Variants in TSHZ3 observed in about 807,000 individuals in gnomAD.
TSHZ3 encodes teashirt zinc finger homeobox 3, also known as teashirt homolog 3.
Under a neutral mutation model 64.5 loss-of-function variants are expected in TSHZ3, and 10 were observed. The observed-to-expected ratio is 0.16, with a 90% CI of 0.10 to 0.26. The LOEUF is 0.26. Among genes scored for constraint, TSHZ3 ranks in the 10% least tolerant of loss-of-function variants. The probability of loss-of-function intolerance (pLI) is 1.00; values close to 1 mark genes in which losing one functional copy is unlikely to be tolerated. For missense variants in TSHZ3, 1,242 were observed against 1,421.7 expected (o/e 0.87, Z 2.03); for synonymous variants, 608 against 593.1 (o/e 1.03, Z -0.36).
intron 1 of TSHZ3, among the ~76,000 whole-genome samples, chr19:31,297,195 T>G (rs543109326): frequency 2.6e-4 from 40 of 152,284 alleles, no homozygotes; most frequent in Non-Finnish European, 5.4e-4. Context: ...CCTCCTCCAC[T>G]GGGCACAGTT....
intron 1 of TSHZ3, among the ~76,000 whole-genome samples, chr19:31,334,633 G>A (rs1484378120): frequency 6.6e-6 from 1 of 152,130 alleles, no homozygotes; most frequent in Admixed American, 6.5e-5. Context: ...TGACTTCCAG[G>A]TAACCTTGTC....
rs140785779 is a variant in TSHZ3, at chr19:31,168,524, G to A, written n.810-12107C>T. The stretch of plus-strand genomic sequence containing the variant: ...AGCTAGAAATTGGAGAGAGCAAAGC[G>A]CCTGAATTCCACTTGGAAAATGGCA... On this transcript the variant is annotated intron_variant and non_coding_transcript_variant, in intron 5 of 6. Coordinates refer to the TSHZ3 transcript ENST00000651361. 2.2e-3 allele frequency among the ~76,000 whole-genome samples: 338 copies of A among 152,298 alleles called. 1 individual carries two copies. Among genetic ancestry groups the A allele is most frequent in the African/African-American group, 7.7e-3 (322 of 41,564 alleles).
chr19:31,282,615 C>T (rs967448657), intron 1 of TSHZ3, among the ~76,000 whole-genome samples: 1 of 152,190 alleles, frequency 6.6e-6, no homozygotes, highest in African/African-American at 2.4e-5. Flanking sequence ...CTCCCCAACA[C>T]ATGCACCATG....
chr19:31,174,445 C>T (rs1175742657), intron 5 of TSHZ3, among the ~76,000 whole-genome samples: 1 of 152,136 alleles, frequency 6.6e-6, no homozygotes, highest in Non-Finnish European at 1.5e-5. Flanking sequence ...CTTTGCTTAG[C>T]CTAATAATTT....
intron 5 of TSHZ3, among the ~76,000 whole-genome samples, chr19:31,197,719 T>C (rs755790686): frequency 3.4e-4 from 52 of 151,908 alleles, no homozygotes; most frequent in Admixed American, 2.7e-3. Flanking sequence ...AACCTATTAT[T>C]TGAAAGATAA....
At chr19:31,226,836 T>A (rs1056439714) in intron 4 of TSHZ3, among the ~76,000 whole-genome samples, 1 of 152,092 alleles carries the variant, frequency 6.6e-6, no homozygotes, top group Non-Finnish European at 1.5e-5. Flanking sequence ...AATTTTAAGG[T>A]CACATATATT....
chr19:31,277,383 C>A lies in TSHZ3; in HGVS notation c.2410G>T (p.Gly804Cys). The change falls in exon 2 of 2, where the codon GGT becomes TGT. Residue 804 changes from glycine (G) to cysteine (C), a missense_variant. This residue lies in a region of TSHZ3 where 550 missense variants were observed against 545.1 expected (regional missense o/e 1.01). Transcript: ENST00000240587. This position sits in a 1 kb window ranked among gnomAD's most constrained non-coding sequence, Gnocchi z 4.5. ...KGKSDKGCSLGSVLLSPTSTA... is the reference protein window; with the variant it reads ...KGKSDKGCSLCSVLLSPTSTA... ...GACGTGGGTGACAGAAGCACTGAAC[C>A]CAAGGAGCAGCCTTTGTCACTCTTC... 1 of 1,614,168 alleles carries A rather than the reference C, an allele frequency of 6.2e-7. No individual in the cohort carries two copies. Among genetic ancestry groups the A allele is most frequent in the East Asian group, 2.2e-5 (1 of 44,864 alleles).
chr19:31,340,443 C>A (rs959467858), intron 1 of TSHZ3, among the ~76,000 whole-genome samples: 1 of 148,292 alleles, frequency 6.7e-6, no homozygotes, highest in African/African-American at 2.5e-5. Flanking sequence ...AAAATAATTC[C>A]CAGCATCTGA....
Position 31,277,869 on chromosome 19 carries a change from T to C in TSHZ3, c.1924A>G (p.Thr642Ala), listed in dbSNP as rs760692825. The change falls in exon 2 of 2, where the codon ACT becomes GCT. Residue 642 changes from threonine (T) to alanine (A), a missense_variant. Physicochemically the swap from Thr to Ala is moderately conservative, Grantham distance 58. Coordinates refer to ENST00000240587, the MANE Select transcript of TSHZ3 (RefSeq NM_020856.4). This position sits in a 1 kb window ranked among gnomAD's most constrained non-coding sequence, Gnocchi z 4.5. Reference sequence around the variant, plus strand: ...ACTTCGCTGCTACATGGGGAGGGAGTGGCCCGCTTGGGCGGGGAAAGCTTC... The same window carrying C: ...ACTTCGCTGCTACATGGGGAGGGAGCGGCCCGCTTGGGCGGGGAAAGCTTC... ...DGKLSPPKRA[T>A]PSPCSSEVGE... 4 of 1,605,778 alleles carry C rather than the reference T, an allele frequency of 2.5e-6. No individual in the cohort carries two copies. The highest frequency in any genetic ancestry group is 3.4e-6 in the Non-Finnish European group (4 of 1,176,454).
At chr19:31,299,067 C>T (rs111242892) in intron 1 of TSHZ3, among the ~76,000 whole-genome samples, 40 of 152,216 alleles carry the variant, frequency 2.6e-4, no homozygotes, top group Admixed American at 3.3e-4. Context: ...TGGTAGCGGG[C>T]GCCTGTAGTC....
Position 31,279,741 on chromosome 19 carries a change from C to T in TSHZ3, c.52G>A (p.Glu18Lys), listed in dbSNP as rs772614466. The T allele has an allele frequency of 1.2e-5, 18 of 1,490,980 alleles. No individual in the cohort carries two copies. The highest frequency in any genetic ancestry group is 1.4e-5 in the South Asian group (1 of 69,674). The allele number at this position is 1,490,980 out of a possible 1,614,324, so 92.4% of individuals were successfully genotyped here. The change falls in exon 2 of 2, where the codon GAA (glutamate) becomes AAA (lysine). Residue 18 changes from glutamate to lysine, a missense_variant. Physicochemically the swap from Glu to Lys is moderately conservative, Grantham distance 56. Around this residue, in one of 4 missense-constraint regions of TSHZ3, gnomAD observed 555 missense variants for 704.0 expected, o/e 0.79. Coordinates refer to ENST00000240587, the MANE Select transcript of TSHZ3 (RefSeq NM_020856.4). The surrounding 1 kb of genome is among the most constrained non-coding windows in gnomAD (Gnocchi z 6.4). ...APRRAAAYVS[E>K]ELKAAALVDE... ...ACCAGGGCAGCAGCCTTTAACTCTTCGGAAACATAGGCTGCCATGATAACA... is the reference window on the plus strand; with the variant it reads ...ACCAGGGCAGCAGCCTTTAACTCTTTGGAAACATAGGCTGCCATGATAACA...
chr19:31,173,920 A>G (rs191321544), intron 5 of TSHZ3, among the ~76,000 whole-genome samples: 6 of 152,226 alleles, frequency 3.9e-5, no homozygotes, highest in Admixed American at 2.0e-4. Context: ...AAAGTCAAAA[A>G]TGAGCTGGGC....
In TSHZ3 at chr19:31,179,359, A is replaced by G. The variant is rs565833296; in HGVS notation, n.810-22942T>C. Among the ~76,000 whole-genome samples the G allele has an allele frequency of 2.0e-5, 3 of 152,320 alleles. No individual in the cohort carries two copies. In the East Asian group the frequency reaches 5.8e-4, roughly 29 times the overall value. ...GCCCAGAAGAGAGAAAGACAGGGGAACAAATACTCTGACTGTCCTCTGATA... is the reference window on the plus strand; with the variant it reads ...GCCCAGAAGAGAGAAAGACAGGGGAGCAAATACTCTGACTGTCCTCTGATA... On this transcript the variant is annotated intron_variant and non_coding_transcript_variant, in intron 5 of 6. Transcript: ENST00000651361.
chr19:31,151,194 A>G (rs1974233752), exon 7 of TSHZ3, among the ~76,000 whole-genome samples: 1 of 152,162 alleles, frequency 6.6e-6, no homozygotes, highest in Non-Finnish European at 1.5e-5. Context: ...ATGGCAGTGT[A>G]AGTGACGGGA....
At chr19:31,323,090 A>G (rs376384450) in intron 1 of TSHZ3, among the ~76,000 whole-genome samples, 10 of 152,210 alleles carry the variant, frequency 6.6e-5, no homozygotes, top group African/African-American at 2.4e-4. Flanking sequence ...TTCACGCAAC[A>G]TTGGGTCAAG....
At chr19:31,324,824 AT>A (rs71173959) in intron 1 of TSHZ3, among the ~76,000 whole-genome samples, 21 of 151,128 alleles carry the variant, frequency 1.4e-4, no homozygotes, top group Non-Finnish European at 2.2e-4. Flanking sequence ...AAGCACAGTG[AT>A]TTTTTTTTTA....
At chr19:31,161,677 G>A (rs1974375700) in intron 5 of TSHZ3, among the ~76,000 whole-genome samples, 1 of 152,204 alleles carries the variant, frequency 6.6e-6, no homozygotes, top group African/African-American at 2.4e-5. Flanking sequence ...CCTGGGCCCT[G>A]ATGTGCAGGA....
chr19:31,248,416 A>T (rs1007836146), intron 1 of TSHZ3, among the ~76,000 whole-genome samples: 1 of 152,194 alleles, frequency 6.6e-6, no homozygotes, highest in African/African-American at 2.4e-5. Context: ...GGGGTAGACA[A>T]AACAACTTGC....
intron 1 of TSHZ3, among the ~76,000 whole-genome samples, chr19:31,339,989 A>G (rs1917383721): frequency 1.3e-5 from 2 of 152,082 alleles, no homozygotes; most frequent in African/African-American, 4.8e-5. Context: ...AAGGGCTGAC[A>G]CAAAAGCAAG....
Sources: allele counts gnomAD v4.1 joint callset (sites outside exome capture counted in the v4.1 genomes callset), GRCh38; gene constraint gnomAD v4.1.1; regional missense constraint gnomAD v4.1.1; non-coding constraint Gnocchi (gnomAD v3.1); transcripts MANE v1.5; gene names NCBI Gene and HGNC (gene_info 2026-07-23, HGNC 2026-07-21).